PTK2: variants seen among roughly 807,000 people sequenced by gnomAD.
The protein encoded by PTK2 is protein tyrosine kinase 2.
PTK2 carries 45 observed loss-of-function variants against 150.1 expected under a neutral mutation model. The ratio of observed to expected loss-of-function variants is 0.30; its 90% confidence interval spans 0.24 to 0.38. PTK2 has a LOEUF of 0.38. Ranked by LOEUF, PTK2 falls within the 10% of genes least tolerant of loss-of-function variation. The pLI is 1.00. For missense variants in PTK2, 919 were observed against 1,307.3 expected (o/e 0.70, Z 4.58); for synonymous variants, 432 against 449.2 (o/e 0.96, Z 0.48).
intron 31 of PTK2, among the ~76,000 whole-genome samples, chr8:140,661,331 G>A (rs28375449): frequency 0.019 from 2,922 of 152,316 alleles, 98 homozygotes; most frequent in African/African-American, 0.067. Context: ...CATCTTCAGA[G>A]GAGAGGTGAT....
intron 15 of PTK2, among the ~76,000 whole-genome samples, chr8:140,761,888 T>C (rs1807206735): frequency 6.6e-6 from 1 of 152,114 alleles, no homozygotes; most frequent in South Asian, 2.1e-4. Context: ...ATCATAAATA[T>C]ACTTTTGAGA....
chr8:140,905,358 A>G (rs2100160442), intron 2 of PTK2, among the ~76,000 whole-genome samples: 2 of 152,338 alleles, frequency 1.3e-5, no homozygotes, highest in East Asian at 3.9e-4. Context: ...AAGCAAAAAA[A>G]AAAGCAGAGG....
chr8:140,931,032 C>T (rs1223967773), intron 1 of PTK2, among the ~76,000 whole-genome samples: 2 of 147,664 alleles, frequency 1.4e-5, no homozygotes, highest in African/African-American at 2.5e-5. Context: ...GATCACACCA[C>T]TGCACTCCAG....
chr8:140,691,077 A>G (rs2100022894), intron 26 of PTK2, among the ~76,000 whole-genome samples: 1 of 152,108 alleles, frequency 6.6e-6, no homozygotes, highest in South Asian at 2.1e-4. Flanking sequence ...TATTAGGGTC[A>G]TTTTCAAAAT....
chr8:140,819,711 G>A (rs11166999), intron 8 of PTK2, among the ~76,000 whole-genome samples: 88,317 of 152,108 alleles, frequency 0.58, 27,272 homozygotes, highest in African/African-American at 0.79. Flanking sequence ...TAAAAGGCAA[G>A]AGCACACGTG....
rs536315963 is a variant in PTK2 at position 140,747,209 on chromosome 8, T to C, written c.1418-349A>G. On this transcript the variant is annotated intron_variant, in intron 17 of 31. Coordinates refer to ENST00000522684, the Ensembl canonical transcript of PTK2. ...CCGGCCTAGTTATTCTTTTGAAAAC[T>C]CTTTCAGCTTCTCTGAAGATGAATT... The C allele has an allele frequency of 2.5e-4, 49 of 198,952 alleles. No homozygotes were observed. In the South Asian group the frequency reaches 4.3e-3, roughly 17 times the overall value. 12.3% of individuals were successfully genotyped at this position (198,952 alleles called of 1,614,324 possible). A position where few individuals can be genotyped will look rare whatever the true frequency, so the allele number is the denominator to read the frequency against.
chr8:140,662,703 T>C (rs146902115), intron 31 of PTK2: 13 of 594,940 alleles, frequency 2.2e-5, no homozygotes, highest in East Asian at 2.0e-4. Flanking sequence ...CAATGTCCAG[T>C]TGGTCAACTG....
chr8:140,812,768 G>T (rs1183422186), intron 10 of PTK2, among the ~76,000 whole-genome samples: 2 of 151,924 alleles, frequency 1.3e-5, no homozygotes, highest in South Asian at 2.1e-4. Flanking sequence ...AACCAACTCA[G>T]TTAAAAAAGA....
chr8:140,677,041 C>T (rs1263968069), intron 27 of PTK2, among the ~76,000 whole-genome samples: 1 of 151,556 alleles, frequency 6.6e-6, no homozygotes, highest in Non-Finnish European at 1.5e-5. Flanking sequence ...TGCAATATAT[C>T]CATGTAAAAA....
intron 1 of PTK2, among the ~76,000 whole-genome samples, chr8:140,968,795 T>C (rs1358345197): frequency 3.3e-5 from 5 of 152,310 alleles, no homozygotes; most frequent in South Asian, 4.1e-4. Context: ...GTTGTCTACC[T>C]GAGAAAAACA....
intron 4 of PTK2, among the ~76,000 whole-genome samples, chr8:140,873,662 C>T (rs1180364918): frequency 6.6e-6 from 1 of 152,074 alleles, no homozygotes; most frequent in East Asian, 1.9e-4. Context: ...GCGGGGGTTT[C>T]ACCACGTTAG....
intron 14 of PTK2, among the ~76,000 whole-genome samples, chr8:140,771,810 C>T (rs142262969): frequency 1.2e-4 from 18 of 147,100 alleles, no homozygotes; most frequent in Middle Eastern, 3.5e-3. Flanking sequence ...GACAAAGTCT[C>T]GCTCTTCTCC....
intron 17 of PTK2, among the ~76,000 whole-genome samples, chr8:140,747,766 G>A (rs1433796816): frequency 8.0e-6 from 1 of 124,378 alleles, no homozygotes; most frequent in Non-Finnish European, 1.7e-5. Context: ...GGAAGGAGGA[G>A]GAAGGAAGGA....
chr8:140,910,717 C>T (rs1332330706), intron 2 of PTK2, among the ~76,000 whole-genome samples: 1 of 152,162 alleles, frequency 6.6e-6, no homozygotes, highest in African/African-American at 2.4e-5. Context: ...ATCTTCCCAG[C>T]TCTATAGTCA....
intron 4 of PTK2, among the ~76,000 whole-genome samples, chr8:140,870,941 G>T (rs557674157): frequency 6.6e-6 from 1 of 152,056 alleles, no homozygotes; most frequent in South Asian, 2.1e-4. Flanking sequence ...GCAGTAACTG[G>T]ACACATTTTT....
chr8:140,863,588 G>A (rs1567756721), intron 5 of PTK2, among the ~76,000 whole-genome samples: 1 of 152,084 alleles, frequency 6.6e-6, no homozygotes, highest in Non-Finnish European at 1.5e-5. Flanking sequence ...CTACAAAGTT[G>A]AAGACTCCTC....
intron 26 of PTK2, among the ~76,000 whole-genome samples, chr8:140,695,874 C>G (rs962452575): frequency 6.6e-6 from 1 of 152,142 alleles, no homozygotes; most frequent in African/African-American, 2.4e-5. Flanking sequence ...TCCTGGGGAA[C>G]TGAATTTTAA....
intron 12 of PTK2, among the ~76,000 whole-genome samples, chr8:140,795,214 G>A (rs1283722631): frequency 6.6e-6 from 1 of 152,136 alleles, no homozygotes; most frequent in Non-Finnish European, 1.5e-5. Flanking sequence ...AGCAGCCAGA[G>A]TACTTATTCT....
chr8:140,678,053 T>C (rs1250593068), intron 27 of PTK2, among the ~76,000 whole-genome samples: 3 of 152,162 alleles, frequency 2.0e-5, no homozygotes, highest in Non-Finnish European at 4.4e-5. Context: ...TATTGGTTGA[T>C]TGATTAAGTG....
Sources: allele counts gnomAD v4.1 joint callset (sites outside exome capture counted in the v4.1 genomes callset), GRCh38; gene constraint gnomAD v4.1.1; transcripts MANE v1.5; gene names NCBI Gene and HGNC (gene_info 2026-07-23, HGNC 2026-07-21).